MYEF2: variants seen among roughly 807,000 people sequenced by gnomAD.
MYEF2 encodes the protein myelin gene expression factor 2.
A neutral mutation model predicts 75.2 loss-of-function variants in MYEF2; 37 were observed. The observed-to-expected ratio is 0.49, with a 90% CI of 0.38 to 0.65. The LOEUF is 0.65. Among genes scored for constraint, MYEF2 ranks in the 30% least tolerant of loss-of-function variants. MYEF2 has a pLI of 0.00. For missense variants in MYEF2, 634 were observed against 771.4 expected (o/e 0.82, Z 2.11); for synonymous variants, 195 against 241.6 (o/e 0.81, Z 1.79).
At chr15:48,151,219 T>C in intron 13 of MYEF2, 48 bp from the exon 14 acceptor site, 1 of 1,472,830 alleles carries the variant, frequency 6.8e-7, no homozygotes, top group Non-Finnish European at 9.3e-7. Flanking sequence ...TAAATAATCA[T>C]ACTTTAAAAT....
At chr15:48,148,706 T>G (rs533646236) in intron 16 of MYEF2, among the ~76,000 whole-genome samples, 2 of 152,168 alleles carry the variant, frequency 1.3e-5, no homozygotes, top group South Asian at 2.1e-4. Context: ...AAAAAAAGTT[T>G]AATGCAAAGA....
In MYEF2 at chr15:48,138,835, G is replaced by A; in HGVS notation, c.*4073C>T. ...TTTTCACCAGCAATATCAGTAATGA[G>A]GTACTCAAATGTTTTAAACAGCCTT... On this transcript the variant is annotated 3_prime_UTR_variant, in exon 17 of 17. Transcript: ENST00000324324. The A allele has an allele frequency of 1.6e-6, 1 of 642,614 alleles. No individual in the cohort carries two copies. The highest frequency in any genetic ancestry group is 2.1e-5 in the South Asian group (1 of 48,114). 39.8% of individuals were successfully genotyped at this position (642,614 alleles called of 1,614,324 possible).
intron 9 of MYEF2, among the ~76,000 whole-genome samples, chr15:48,156,699 T>C (rs573151714): frequency 6.6e-6 from 1 of 151,146 alleles, no homozygotes; most frequent in African/African-American, 2.4e-5. Context: ...AACAGAAAAA[T>C]GTATAAAATG....
chr15:48,146,695 T>C (rs1442437448), intron 16 of MYEF2, among the ~76,000 whole-genome samples: 1 of 151,962 alleles, frequency 6.6e-6, no homozygotes, highest in Non-Finnish European at 1.5e-5. Flanking sequence ...AGAATATACT[T>C]ACTCTCTTTG....
At chr15:48,175,676 G>A (rs916651648) in intron 1 of MYEF2, among the ~76,000 whole-genome samples, 2 of 151,972 alleles carry the variant, frequency 1.3e-5, no homozygotes, top group African/African-American at 2.4e-5. Context: ...ACATTACCTT[G>A]CTCCAATGCT....
intron 1 of MYEF2, among the ~76,000 whole-genome samples, chr15:48,173,455 C>T (rs1411443134): frequency 6.6e-6 from 1 of 152,100 alleles, no homozygotes; most frequent in African/African-American, 2.4e-5. Flanking sequence ...TGCCCATGCT[C>T]ACCACTTCTA....
rs770538169 is a variant in MYEF2, at chr15:48,134,872, A to G, written c.*8036T>C. 2.5e-6 allele frequency: 4 copies of G among 1,574,410 alleles called. No individual in the cohort carries two copies. In the East Asian group the frequency reaches 9.0e-5, roughly 35 times the overall value. ...TACAATGTAATGGAAATAATAACTT[A>G]CCATATTACAGGTCTCAACACTATC... is the stretch of plus-strand genomic sequence containing the variant. On this transcript the variant is annotated 3_prime_UTR_variant, in exon 17 of 17. Transcript: ENST00000324324.
Position 48,159,768 on chromosome 15 carries a change from G to C in MYEF2, c.562C>G (p.Arg188Gly). 6.2e-7 allele frequency: 1 copy of C among 1,613,270 alleles called. No individual in the cohort carries two copies. Among genetic ancestry groups the C allele is most frequent in the South Asian group, 1.1e-5 (1 of 91,030 alleles). Residue 188 changes from arginine to glycine, a missense_variant, in exon 6 of 17, where the codon CGA becomes GGA. Arg to Gly is a moderately radical substitution (Grantham distance 125). Coordinates refer to ENST00000324324, the MANE Select transcript of MYEF2 (RefSeq NM_016132.5). Reference protein sequence around the residue: ...DGENARRALQRTGGSFPGGHV... With the variant: ...DGENARRALQGTGGSFPGGHV... Reference sequence around the variant, plus strand: ...CCTCCTGGAAATGATCCTCCTGTTCGCTGCAATGCCCTACGAGCATTTTCT... The same window carrying C: ...CCTCCTGGAAATGATCCTCCTGTTCCCTGCAATGCCCTACGAGCATTTTCT...
At position 48,136,926 on chromosome 15, in the gene MYEF2, C is replaced by G; in HGVS notation, c.*5982G>C. ...ATGAAGATTCTGGCTACTCTCAGCTCTCTATAAGTTTACATGGCCTTAGTC... is the reference window on the plus strand; with the variant it reads ...ATGAAGATTCTGGCTACTCTCAGCTGTCTATAAGTTTACATGGCCTTAGTC... On this transcript the variant is annotated 3_prime_UTR_variant, in exon 17 of 17. Coordinates refer to ENST00000324324, the MANE Select transcript of MYEF2 (RefSeq NM_016132.5). The G allele has an allele frequency of 6.2e-7, 1 of 1,613,566 alleles. No homozygotes were observed. Among genetic ancestry groups the G allele is most frequent in the Non-Finnish European group, 8.5e-7 (1 of 1,179,608 alleles).
rs2039633588 is a variant in MYEF2, at chr15:48,154,893, A to T, written c.986-1000T>A. ...TACAGAACTAAAATGCTGAGCAATG[A>T]TAGTATAATTCAGTAGGAAAGTGAC... is the stretch of plus-strand genomic sequence containing the variant. On this transcript the variant is annotated intron_variant, in intron 9 of 16. Transcript: ENST00000324324. Among the ~76,000 whole-genome samples the T allele has an allele frequency of 2.0e-5, 3 of 152,170 alleles. No homozygotes were observed. The South Asian group carries it at 6.2e-4, about 31-fold the overall frequency.
Position 48,142,262 on chromosome 15 carries a change from C to A in MYEF2, c.*646G>T, listed in dbSNP as rs1015440695. ...AGACAGAAAGTTGGGAATAGTCTGC[C>A]TATTATCATACTTGGGGCTTGCTAC... On this transcript the variant is annotated 3_prime_UTR_variant, in exon 17 of 17. Coordinates refer to ENST00000324324, the MANE Select transcript of MYEF2 (RefSeq NM_016132.5). The A allele has an allele frequency of 3.7e-6, 6 of 1,613,478 alleles. No individual in the cohort carries two copies. The highest frequency in any genetic ancestry group is 3.3e-5 in the South Asian group (3 of 91,060).
At chr15:48,154,048 G>T in intron 9 of MYEF2, 155 bp from the exon 10 acceptor site, 1 of 558,754 alleles carries the variant, frequency 1.8e-6, no homozygotes. Flanking sequence ...TGTCTAGAAA[G>T]TAGCACACTG....
chr15:48,173,394 C>T (rs1269548195), intron 1 of MYEF2, among the ~76,000 whole-genome samples: 2 of 152,038 alleles, frequency 1.3e-5, no homozygotes. Flanking sequence ...ATGTCATACT[C>T]AACAGTGAAA....
At chr15:48,147,066 C>T (rs532614803) in intron 16 of MYEF2, among the ~76,000 whole-genome samples, 8 of 151,190 alleles carry the variant, frequency 5.3e-5, no homozygotes, top group South Asian at 2.1e-4. Flanking sequence ...TAATTATAAT[C>T]GAAAAAGGAT....
At chr15:48,165,822 C>T in intron 5 of MYEF2, 111 bp downstream of exon 5, 1 of 716,070 alleles carries the variant, frequency 1.4e-6, no homozygotes, top group Non-Finnish European at 2.3e-6. Context: ...TAATGAACAC[C>T]TATGTTTTAA....
chr15:48,145,793 A>G (rs2039259904), intron 16 of MYEF2, among the ~76,000 whole-genome samples: 1 of 151,982 alleles, frequency 6.6e-6, no homozygotes, highest in Admixed American at 6.6e-5. Flanking sequence ...GATATAAGGG[A>G]TAGAAAAGCA....
chr15:48,152,510 A>G (rs2039529908), intron 10 of MYEF2: 2 of 444,116 alleles, frequency 4.5e-6, no homozygotes, highest in Admixed American at 4.0e-5. Context: ...AGAAAGCAAA[A>G]TTCACTAGTA....
chr15:48,167,550 G>A, intron 2 of MYEF2, 149 bp from the exon 3 acceptor site: 1 of 585,566 alleles, frequency 1.7e-6, no homozygotes, highest in Non-Finnish European at 3.0e-6. Context: ...TCCTATCAAT[G>A]GCTATGTAAA....
At position 48,141,717 on chromosome 15, in the gene MYEF2, T is replaced by C. The variant is rs543373568; in HGVS notation, c.*1191A>G. 1.1e-5 allele frequency: 2 copies of C among 190,384 alleles called. No individual in the cohort carries two copies. Among genetic ancestry groups the C allele is most frequent in the African/African-American group, 4.7e-5 (2 of 42,816 alleles). The allele number at this position is 190,384 out of a possible 1,614,324, so 11.8% of individuals were successfully genotyped here. ...TCACTCAATCTAATCCCCCAAATAA[T>C]ATTCATTTGAAATGTGTGTTAAATA... is the stretch of plus-strand genomic sequence containing the variant. On this transcript the variant is annotated 3_prime_UTR_variant, in exon 17 of 17. Coordinates refer to ENST00000324324, the MANE Select transcript of MYEF2 (RefSeq NM_016132.5).
Sources: gnomAD v4.1 joint callset for allele counts (sites outside exome capture counted in the v4.1 genomes callset) on GRCh38, gnomAD v4.1.1 for gene constraint, MANE v1.5 for transcripts, NCBI Gene and HGNC (gene_info 2026-07-23, HGNC 2026-07-21) for gene names.